The following RGS20 variants were observed in gnomAD, a reference collection of about 807,000 sequenced individuals.
The protein encoded by RGS20 is regulator of G protein signaling 20.
A neutral mutation model predicts 33.6 loss-of-function variants in RGS20; 30 were observed. That is an observed-to-expected ratio of 0.89 (90% CI 0.67 to 1.21). The LOEUF is 1.21. Ranked by LOEUF, RGS20 falls within the 50% of genes most tolerant of loss-of-function variation. RGS20 has a pLI of 0.00. For missense variants in RGS20, 472 were observed against 502.4 expected, an observed-to-expected ratio of 0.94 and a Z score of 0.58; for synonymous variants, 208 against 197.9, an observed-to-expected ratio of 1.05 and a Z score of -0.43.
chr8:53,947,375 T>C (rs1814530342), intron 4 of RGS20, among the ~76,000 whole-genome samples: 1 of 122,570 alleles, frequency 8.2e-6, no homozygotes, highest in African/African-American at 2.9e-5. Flanking sequence ...ATATAAGATA[T>C]AGTATATTTA....
chr8:53,935,385 A>C (rs774998720), intron 2 of RGS20, among the ~76,000 whole-genome samples: 6 of 152,218 alleles, frequency 3.9e-5, no homozygotes, highest in Admixed American at 1.3e-4. Context: ...AAAAGACAGG[A>C]GAATCAAATA....
chr8:53,865,422 T>C (rs73680334), intron 1 of RGS20, among the ~76,000 whole-genome samples: 4,247 of 152,280 alleles, frequency 0.028, 162 homozygotes, highest in African/African-American at 0.087. Context: ...ACCACATCTA[T>C]CAAAAAACAT....
chr8:53,893,513 A>G (rs987575592), intron 2 of RGS20, among the ~76,000 whole-genome samples: 14 of 152,196 alleles, frequency 9.2e-5, no homozygotes, highest in African/African-American at 3.1e-4. Flanking sequence ...CTCAGCCTTT[A>G]GTTCCTTACT....
At chr8:53,864,794 T>G (rs1175553474) in intron 1 of RGS20, among the ~76,000 whole-genome samples, 1 of 152,208 alleles carries the variant, frequency 6.6e-6, no homozygotes, top group Non-Finnish European at 1.5e-5. Flanking sequence ...CTGAAATTGT[T>G]AAAATCTTTC....
At chr8:53,958,090 C>T (rs1373024169) in intron 5 of RGS20, among the ~76,000 whole-genome samples, 180 bp from the exon 5 acceptor site, 1 of 151,980 alleles carries the variant, frequency 6.6e-6, no homozygotes, top group African/African-American at 2.4e-5. Flanking sequence ...GAGCTGAGAT[C>T]GCGCCACTGC....
chr8:53,878,938 C>T (rs1247157986), intron 1 of RGS20, among the ~76,000 whole-genome samples: 1 of 152,158 alleles, frequency 6.6e-6, no homozygotes, highest in Non-Finnish European at 1.5e-5. Context: ...ACATTCAGCG[C>T]GCATGGTAGT....
chr8:53,881,034 G>A, intron 2 of RGS20: 3 of 1,583,836 alleles, frequency 1.9e-6, no homozygotes, highest in Non-Finnish European at 1.7e-6. Flanking sequence ...GGCGGACGGA[G>A]GCGAGCCGGC....
At chr8:53,918,607 C>G (rs540214440) in intron 2 of RGS20, among the ~76,000 whole-genome samples, 1 of 151,996 alleles carries the variant, frequency 6.6e-6, no homozygotes, top group Admixed American at 6.6e-5. Flanking sequence ...AGGCTGGTCT[C>G]GAACTCCTGA....
chr8:53,947,788 CATTTATATATGCTATATATAGGATAT>C (rs1814556497), intron 4 of RGS20, among the ~76,000 whole-genome samples: 1 of 131,318 alleles, frequency 7.6e-6, no homozygotes, highest in Non-Finnish European at 1.6e-5. Context: ...ATAGTATATA[CATTTATATATGCTATATATAGGATAT>C]AGTATATACA....
chr8:53,889,398 TTCTCTC>T (rs200412498), intron 2 of RGS20, among the ~76,000 whole-genome samples: 1 of 124,144 alleles, frequency 8.1e-6, no homozygotes, highest in Middle Eastern at 3.6e-3. Context: ...CTTTCTTTCT[TTCTCTC>T]TCTCTCTCTT....
chr8:53,919,288 C>T lies in RGS20; in HGVS notation c.511-20288C>T, dbSNP rs181911991. ...TTCTTTATACATCCTGGATACAAGT[C>T]TCTTACCTAATATGTGACTTCCATA... On this transcript the variant is annotated intron_variant, in intron 2 of 5. Transcript: ENST00000297313. Among the ~76,000 whole-genome samples the T allele has an allele frequency of 4.0e-5, 6 of 151,432 alleles. No homozygotes were observed. The East Asian group carries it at 1.2e-3, about 29-fold the overall frequency.
intron 2 of RGS20, among the ~76,000 whole-genome samples, chr8:53,923,519 C>G (rs546860239): frequency 1.3e-5 from 2 of 151,674 alleles, no homozygotes; most frequent in South Asian, 4.2e-4. Flanking sequence ...CACTTGAGCC[C>G]GGGAGGCAAA....
At chr8:53,874,725 C>T (rs1028340693) in intron 1 of RGS20, among the ~76,000 whole-genome samples, 1 of 152,166 alleles carries the variant, frequency 6.6e-6, no homozygotes, top group African/African-American at 2.4e-5. Flanking sequence ...GATGCATCAA[C>T]CCAATTTCTG....
At chr8:53,955,415 G>A (rs940928082) in intron 5 of RGS20, among the ~76,000 whole-genome samples, 1 of 152,146 alleles carries the variant, frequency 6.6e-6, no homozygotes, top group Non-Finnish European at 1.5e-5. Context: ...CAGCATCACA[G>A]ATGTGATACT....
rs193282023 is a variant in RGS20, at chr8:53,903,016, C to A, written c.510+23414C>A. ...GCTGGGATCACAGGTGTGAGCCACC[C>A]GTGCCCAGCCCAAAATGATTGATTC... On this transcript the variant is annotated intron_variant, in intron 2 of 5. Coordinates refer to ENST00000297313, the MANE Select transcript of RGS20 (RefSeq NM_170587.4). Among the ~76,000 whole-genome samples, 852 of 152,234 alleles carry A rather than the reference C, an allele frequency of 5.6e-3. 6 individuals are homozygous for A. Among genetic ancestry groups the A allele is most frequent in the Non-Finnish European group, 9.1e-3 (619 of 68,026 alleles).
chr8:53,941,444 G>A (rs1293124027), intron 3 of RGS20, among the ~76,000 whole-genome samples: 1 of 152,130 alleles, frequency 6.6e-6, no homozygotes, highest in Non-Finnish European at 1.5e-5. Context: ...AGGAAAAAAA[G>A]GGAACCCAGA....
intron 2 of RGS20, among the ~76,000 whole-genome samples, chr8:53,911,438 G>A (rs1172818525): frequency 6.6e-6 from 1 of 152,080 alleles, no homozygotes; most frequent in African/African-American, 2.4e-5. Flanking sequence ...AATGAGTTAC[G>A]GTGCATAACT....
intron 2 of RGS20, among the ~76,000 whole-genome samples, chr8:53,911,817 G>T (rs1312276359): frequency 1.3e-5 from 2 of 151,954 alleles, no homozygotes; most frequent in Non-Finnish European, 2.9e-5. Context: ...GGTGTGTGCC[G>T]GTAATCCCAG....
At chr8:53,909,011 T>C (rs1813260715) in intron 2 of RGS20, among the ~76,000 whole-genome samples, 1 of 151,562 alleles carries the variant, frequency 6.6e-6, no homozygotes, top group Non-Finnish European at 1.5e-5. Flanking sequence ...TTGTTGAGCA[T>C]TTAATAATTC....
Sources: gnomAD v4.1 joint callset for allele counts (sites outside exome capture counted in the v4.1 genomes callset) on GRCh38, gnomAD v4.1.1 for gene constraint, MANE v1.5 for transcripts, NCBI Gene and HGNC (gene_info 2026-07-23, HGNC 2026-07-21) for gene names.